The following ATP7A variants were observed in gnomAD, a reference collection of about 807,000 sequenced individuals.
The protein encoded by ATP7A is ATPase copper transporting alpha, also known as copper-transporting ATPase 1.
A neutral mutation model predicts 83.5 loss-of-function variants in ATP7A; 7 were observed. That is an observed-to-expected ratio of 0.08 (90% CI 0.05 to 0.16). The LOEUF (loss-of-function observed/expected upper bound fraction) is 0.16. Ranked by LOEUF, ATP7A falls within the 10% of genes least tolerant of loss-of-function variation. The probability of loss-of-function intolerance (pLI) is 1.00; values close to 1 mark genes in which losing one functional copy is unlikely to be tolerated. For missense variants in ATP7A, 940 were observed against 1,120.8 expected (o/e 0.84, Z 2.30); for synonymous variants, 354 against 395.2 (o/e 0.90, Z 1.24).
chrX:77,998,399 G>T, intron 4 of ATP7A, 79 bp from the exon 5 acceptor site: 2 of 965,573 alleles, frequency 2.1e-6, no homozygotes, highest in Non-Finnish European at 3.0e-6. Context: ...GTGCCTGGAG[G>T]TATGGATTGT....
chrX:77,952,615 A>G (rs553687765), intron 1 of ATP7A, among the ~76,000 whole-genome samples: 3 of 111,403 alleles, frequency 2.7e-5, no homozygotes, highest in African/African-American at 9.8e-5. Flanking sequence ...TGGTTGGGTA[A>G]TTAGCATTTA....
chrX:77,995,125 G>A (rs1408354204), intron 4 of ATP7A, among the ~76,000 whole-genome samples: 3 of 111,681 alleles, frequency 2.7e-5, no homozygotes, highest in African/African-American at 9.8e-5. Context: ...GATTTCACCA[G>A]AATTGTAACT....
At chrX:78,011,769 C>G (rs1350581537) in intron 9 of ATP7A, 95 bp downstream of exon 9, 1 of 830,453 alleles carries the variant, frequency 1.2e-6, no homozygotes, top group Non-Finnish European at 1.8e-6. Flanking sequence ...CTGATGTTAG[C>G]TAGAAGTCTG....
Position 78,049,893 on chromosome X carries a change from G to T in ATP7A, c.*3323G>T, listed in dbSNP as rs1314957170. On this transcript the variant is annotated 3_prime_UTR_variant, in exon 23 of 23. Transcript: ENST00000341514. ...TACTCCATTTTGTTTTTTTCTCTGG[G>T]TGAGGCATCTGGTTACTGGTTATTT... 9.0e-6 allele frequency: 1 copy of T among 111,489 alleles called. No individual in the cohort carries two copies. The highest frequency in any genetic ancestry group is 1.9e-5 in the Non-Finnish European group (1 of 52,945). The allele number at this position is 111,489 out of a possible 1,213,427, so 9.2% of individuals were successfully genotyped here. A position where few individuals can be genotyped will look rare whatever the true frequency, so the allele number is the denominator to read the frequency against.
chrX:78,001,135 A>C (rs1168493176), intron 5 of ATP7A, among the ~76,000 whole-genome samples: 1 of 111,727 alleles, frequency 9.0e-6, no homozygotes, highest in Non-Finnish European at 1.9e-5. Flanking sequence ...GCTGAAGCAA[A>C]AAGATTTTTT....
At chrX:77,932,724 G>A (rs976315622) in intron 1 of ATP7A, among the ~76,000 whole-genome samples, 25 of 112,857 alleles carry the variant, frequency 2.2e-4, no homozygotes, top group Non-Finnish European at 4.1e-4. Context: ...CCAACACAGC[G>A]AAACCCCGTC....
At chrX:77,987,305 C>T (rs782374377) in intron 2 of ATP7A, among the ~76,000 whole-genome samples, 1 of 111,393 alleles carries the variant, frequency 9.0e-6, no homozygotes, top group Non-Finnish European at 1.9e-5. Flanking sequence ...CCTATTTACT[C>T]GTATGATCCT....
intron 2 of ATP7A, among the ~76,000 whole-genome samples, chrX:77,981,048 C>T (rs1557230861): frequency 8.9e-6 from 1 of 112,176 alleles, no homozygotes; most frequent in African/African-American, 3.2e-5. Context: ...ATACTATGCA[C>T]ATCATTCTGC....
At position 77,990,026 on chromosome X, in the gene ATP7A, T is replaced by C. The variant is rs1372435490; in HGVS notation, c.1336+68T>C. On this transcript the variant is annotated intron_variant, in intron 4 of 22. Transcript: ENST00000341514. ...TTCCATTTTGCTGCTTCTTTTGGCA[T>C]TTATCAATGAGAAATGATTCATAGG... 1.2e-5 allele frequency: 14 copies of C among 1,178,067 alleles called. No homozygotes were observed. The East Asian group carries it at 3.9e-4, about 33-fold the overall frequency.
chrX:77,997,454 T>C (rs2077711293), intron 4 of ATP7A, among the ~76,000 whole-genome samples: 1 of 112,585 alleles, frequency 8.9e-6, no homozygotes, highest in Non-Finnish European at 1.9e-5. Context: ...TTCAACATCC[T>C]GAAAACCAGC....
Position 78,013,008 on chromosome X carries a change from G to T in ATP7A, c.2302G>T (p.Ala768Ser). Residue 768 changes from alanine (A) to serine (S), a missense_variant, in exon 10 of 23, where the codon GCA (alanine) becomes TCA (serine). Transcript: ENST00000341514. ...CTACTCTTTGATTATTCTTCTAGTT[G>T]CAATGTATGAGAGAGCCAAAGTGAA... is the stretch of plus-strand genomic sequence containing the variant. ...FAYSLIILLV[A>S]MYERAKVNPI... 1 of 1,210,833 alleles carries T rather than the reference G, an allele frequency of 8.3e-7. No homozygotes were observed. Among genetic ancestry groups the T allele is most frequent in the Non-Finnish European group, 1.1e-6 (1 of 894,937 alleles).
intron 1 of ATP7A, among the ~76,000 whole-genome samples, chrX:77,959,586 G>A (rs1218832073): frequency 8.9e-6 from 1 of 112,101 alleles, no homozygotes; most frequent in African/African-American, 3.2e-5. Flanking sequence ...AACCAAAAGT[G>A]TCTCCAGACA....
At chrX:77,969,082 T>C (rs782643568) in intron 1 of ATP7A, 3 of 1,211,721 alleles carry the variant, frequency 2.5e-6, no homozygotes, top group African/African-American at 1.7e-5. Flanking sequence ...GCTGTTGCCA[T>C]GGGCTGCAAT....
chrX:78,014,529 A>C, intron 10 of ATP7A, 133 bp from the exon 11 acceptor site: 1 of 431,932 alleles, frequency 2.3e-6, no homozygotes, highest in South Asian at 4.9e-5. Context: ...AAACATTTTC[A>C]TATTAATTTT....
At chrX:77,945,399 C>A (rs1475987720) in intron 1 of ATP7A, among the ~76,000 whole-genome samples, 1 of 111,325 alleles carries the variant, frequency 9.0e-6, no homozygotes, top group Non-Finnish European at 1.9e-5. Flanking sequence ...CGGCTGGTCT[C>A]AAATTCCCAG....
At chrX:78,026,293 C>T (rs1158575756) in intron 14 of ATP7A, among the ~76,000 whole-genome samples, 1 of 111,698 alleles carries the variant, frequency 9.0e-6, no homozygotes, top group African/African-American at 3.3e-5. Flanking sequence ...TCTTGTATTA[C>T]ATAAAACAGA....
chrX:78,035,450 A>T (rs1366592963), intron 17 of ATP7A, among the ~76,000 whole-genome samples: 1 of 111,697 alleles, frequency 9.0e-6, no homozygotes, highest in Non-Finnish European at 1.9e-5. Flanking sequence ...GATGAAAGCT[A>T]TGGGCCCACC....
At chrX:78,046,213 ATCT>A (rs1172299320) in intron 22 of ATP7A, 78 bp from the exon 23 acceptor site, 9 of 1,103,176 alleles carry the variant, frequency 8.2e-6, no homozygotes, top group African/African-American at 7.3e-5. Context: ...GGATGAGCAA[ATCT>A]TCTTTCTTTT....
rs782503981 is a variant in ATP7A, at chrX:78,045,317, A to G, written c.4124-153A>G. 2.7e-5 allele frequency among the ~76,000 whole-genome samples: 3 copies of G among 112,527 alleles called. No individual in the cohort carries two copies. In the South Asian group the frequency reaches 1.1e-3, roughly 42 times the overall value. On this transcript the variant is annotated intron_variant, in intron 21 of 22. Coordinates refer to ENST00000341514, the MANE Select transcript of ATP7A (RefSeq NM_000052.7). The stretch of plus-strand genomic sequence containing the variant: ...AGAATGTTAACAGCAACACTCTGTT[A>G]GTGAAAAAAATGGCAACAACAAAAA...
Sources: allele counts gnomAD v4.1 joint callset (sites outside exome capture counted in the v4.1 genomes callset), GRCh38; gene constraint gnomAD v4.1.1; transcripts MANE v1.5; gene names NCBI Gene and HGNC (gene_info 2026-07-23, HGNC 2026-07-21).